The following ZNF532 variants were observed in gnomAD, a reference collection of about 807,000 sequenced individuals.
ZNF532 encodes zinc finger protein 532.
Under a neutral mutation model 89.3 loss-of-function variants are expected in ZNF532, and 22 were observed. The ratio of observed to expected loss-of-function variants is 0.25; its 90% confidence interval spans 0.18 to 0.35. ZNF532 has a LOEUF of 0.35. Ranked by LOEUF, ZNF532 falls within the 10% of genes least tolerant of loss-of-function variation. The pLI is 1.00. For synonymous variants in ZNF532, 606 were observed against 649.6 expected (o/e 0.93, Z 1.02); for missense variants, 1,132 against 1,643.4 (o/e 0.69, Z 5.38).
Position 58,901,022 on chromosome 18 carries a change from A to C in ZNF532, c.-17-17249A>C, listed in dbSNP as rs138254124. On this transcript the variant is annotated intron_variant, in intron 2 of 9. Coordinates refer to ENST00000591808, the MANE Select transcript of ZNF532 (RefSeq NM_001375912.1). ...TCGTGAATTCACTCAGCCTTGTTTCATGGGCAGTCCTTGCCATGTATAAAA... is the reference window on the plus strand; with the variant it reads ...TCGTGAATTCACTCAGCCTTGTTTCCTGGGCAGTCCTTGCCATGTATAAAA... Among the ~76,000 whole-genome samples, 26 of 152,326 alleles carry C rather than the reference A, an allele frequency of 1.7e-4. No individual in the cohort carries two copies. The East Asian group carries it at 4.6e-3, about 27-fold the overall frequency.
chr18:58,937,170 A>C (rs1237328857), intron 4 of ZNF532, among the ~76,000 whole-genome samples: 4 of 152,204 alleles, frequency 2.6e-5, no homozygotes, highest in Non-Finnish European at 5.9e-5. Context: ...TTAATTCAAA[A>C]AATAAAGAAA....
intron 2 of ZNF532, among the ~76,000 whole-genome samples, chr18:58,892,982 CT>C (rs58108717): frequency 2.5e-3 from 342 of 135,242 alleles, no homozygotes; most frequent in Middle Eastern, 3.9e-3. Flanking sequence ...TTTGTACTTT[CT>C]TTTTTTTTTT....
intron 7 of ZNF532, among the ~76,000 whole-genome samples, chr18:58,967,544 C>CCCGTGCACCCTT (rs961487010): frequency 6.6e-6 from 1 of 152,220 alleles, no homozygotes; most frequent in Non-Finnish European, 1.5e-5. Context: ...ACCCTGCCCC[C>CCCGTGCACCCTT]CCGTGCACCC....
In ZNF532 at chr18:58,981,545, C is replaced by G. The variant is rs763573228; in HGVS notation, c.3339C>G (p.Ile1113Met). Residue 1113 changes from isoleucine (I) to methionine (M), a missense_variant, in exon 9 of 10, where the codon ATC becomes ATG. By Grantham distance (10) the Ile-to-Met change is conservative. Around this residue, in one of 9 missense-constraint regions of ZNF532, gnomAD observed 415 missense variants for 604.8 expected, o/e 0.69. Transcript: ENST00000591808. Reference protein sequence around the residue: ...LEKHVQLMHGIKDPDLKEMTD... With the variant: ...LEKHVQLMHGMKDPDLKEMTD... The stretch of plus-strand genomic sequence containing the variant: ...AGCACGTCCAGCTGATGCATGGCAT[C>G]AAGGACCCTGACCTGAAAGAAATGA... 8.1e-6 allele frequency: 13 copies of G among 1,614,120 alleles called. No homozygotes were observed. Among genetic ancestry groups the G allele is most frequent in the Non-Finnish European group, 3.4e-6 (4 of 1,180,022 alleles).
chr18:58,873,483 C>T (rs147495257), intron 2 of ZNF532, among the ~76,000 whole-genome samples: 340 of 151,566 alleles, frequency 2.2e-3, no homozygotes, highest in Middle Eastern at 6.8e-3. Flanking sequence ...AAGTCTTGCT[C>T]TGTCGCCCAT....
intron 7 of ZNF532, among the ~76,000 whole-genome samples, chr18:58,963,092 G>A (rs145003850): frequency 8.5e-5 from 13 of 152,268 alleles, no homozygotes; most frequent in South Asian, 2.1e-4. Flanking sequence ...GATCTCAAGT[G>A]TATTTGTTTA....
At chr18:58,981,709 T>TA in intron 9 of ZNF532, 92 bp downstream of exon 9, 1 of 1,531,152 alleles carries the variant, frequency 6.5e-7, no homozygotes, top group Non-Finnish European at 8.9e-7. Flanking sequence ...GTTGCATAGT[T>TA]ACAGTTTTAA....
At chr18:58,975,434 G>A (rs6567040) in intron 7 of ZNF532, among the ~76,000 whole-genome samples, 79,547 of 151,992 alleles carry the variant, frequency 0.52, 21,208 homozygotes, top group East Asian at 0.66. Context: ...ACAGAGACCC[G>A]TAAGCACAGA....
intron 2 of ZNF532, among the ~76,000 whole-genome samples, chr18:58,873,177 C>T (rs1448943027): frequency 1.3e-5 from 2 of 152,100 alleles, no homozygotes; most frequent in Non-Finnish European, 2.9e-5. Flanking sequence ...CATGCCACCA[C>T]GCCCGGCTAA....
intron 9 of ZNF532, 57 bp downstream of exon 9, chr18:58,981,674 T>TTCATTTTTTTC: frequency 6.3e-7 from 1 of 1,597,474 alleles, no homozygotes; most frequent in Non-Finnish European, 8.5e-7. Context: ...GCTTTTCCCA[T>TTCATTTTTTTC]TCATTTTTTT....
intron 2 of ZNF532, among the ~76,000 whole-genome samples, chr18:58,896,261 C>T (rs1379970768): frequency 6.6e-6 from 1 of 151,972 alleles, no homozygotes; most frequent in African/African-American, 2.4e-5. Context: ...TCATCTTAAC[C>T]ATAAGTGTAC....
intron 9 of ZNF532, among the ~76,000 whole-genome samples, chr18:58,983,393 C>T (rs913649238): frequency 2.6e-5 from 4 of 152,190 alleles, no homozygotes; most frequent in Non-Finnish European, 5.9e-5. Context: ...CAGTTCACCT[C>T]CTGCAGTCTC....
intron 3 of ZNF532, among the ~76,000 whole-genome samples, chr18:58,933,833 G>A (rs1345431829): frequency 6.6e-6 from 1 of 151,438 alleles, no homozygotes; most frequent in African/African-American, 2.4e-5. Context: ...GTCTAAATTT[G>A]TATACTTGAA....
upstream of ZNF532, chr18:58,863,512 C>CCGA (rs2056142462): frequency 1.7e-4 from 1 of 6,008 alleles, no homozygotes; most frequent in Non-Finnish European, 4.0e-4. Context: ...CGAGCCGCCG[C>CCGA]CGCCGCCGCC....
intron 7 of ZNF532, among the ~76,000 whole-genome samples, chr18:58,957,496 C>A (rs1046292652): frequency 6.7e-6 from 1 of 149,774 alleles, no homozygotes; most frequent in Non-Finnish European, 1.5e-5. Context: ...ACAGTCATTA[C>A]CTTAGTGTTA....
chr18:58,956,360 C>A (rs936033038), intron 7 of ZNF532, among the ~76,000 whole-genome samples: 2 of 152,176 alleles, frequency 1.3e-5, no homozygotes, highest in African/African-American at 4.8e-5. Flanking sequence ...TAGTTTCAAT[C>A]CTGTTCCCTC....
intron 3 of ZNF532, among the ~76,000 whole-genome samples, chr18:58,930,845 A>G (rs536044786): frequency 6.6e-6 from 1 of 152,240 alleles, no homozygotes; most frequent in South Asian, 2.1e-4. Flanking sequence ...TAGTTGTTAT[A>G]CTGGATTTTT....
At chr18:58,878,036 A>G (rs956179399) in intron 2 of ZNF532, among the ~76,000 whole-genome samples, 7 of 152,028 alleles carry the variant, frequency 4.6e-5, no homozygotes, top group Non-Finnish European at 8.8e-5. Flanking sequence ...GGGCAGATCA[A>G]TAGAGGTCAG....
At chr18:58,976,300 T>G (rs118188371) in intron 7 of ZNF532, among the ~76,000 whole-genome samples, 2,465 of 152,334 alleles carry the variant, frequency 0.016, 33 homozygotes, top group Middle Eastern at 0.037. Context: ...TAGTTACTGA[T>G]TTGCTAAGCT....
Sources: gnomAD v4.1 joint callset for allele counts (sites outside exome capture counted in the v4.1 genomes callset) on GRCh38, gnomAD v4.1.1 for gene constraint, gnomAD v4.1.1 regional missense constraint, MANE v1.5 for transcripts, NCBI Gene and HGNC (gene_info 2026-07-23, HGNC 2026-07-21) for gene names.